MRPL22: variants seen among roughly 807,000 people sequenced by gnomAD.
MRPL22 encodes mitochondrial ribosomal protein L22.
Under a neutral mutation model 32.4 loss-of-function variants are expected in MRPL22, and 27 were observed. The observed-to-expected ratio is 0.83, with a 90% CI of 0.61 to 1.15. MRPL22 has a LOEUF of 1.15. Among genes scored for constraint, MRPL22 ranks in the 50% most tolerant of loss-of-function variants. The pLI, the probability that MRPL22 is intolerant of heterozygous loss-of-function variation, is 0.00. For synonymous variants in MRPL22, 86 were observed against 87.3 expected, an observed-to-expected ratio of 0.99 and a Z score of 0.08; for missense variants, 239 against 260.2, an observed-to-expected ratio of 0.92 and a Z score of 0.56.
At chr5:154,954,831 G>C (rs897578654) in intron 3 of MRPL22, among the ~76,000 whole-genome samples, 6 of 151,986 alleles carry the variant, frequency 3.9e-5, no homozygotes, top group Non-Finnish European at 8.8e-5. Context: ...TCGCTCTGTC[G>C]CCCAGGCTGG....
rs149230625 is a variant in MRPL22, at chr5:154,966,868, C to T, written c.592C>T (p.Arg198Cys). The T allele has an allele frequency of 1.7e-4, 278 of 1,613,526 alleles. No homozygotes were observed. In the African/African-American group the frequency reaches 2.1e-3, roughly 12 times the overall value. Residue 198 changes from arginine (R) to cysteine (C), a missense_variant, in exon 7 of 7, where the codon CGC (arginine) becomes TGC (cysteine). Coordinates refer to ENST00000523037, the MANE Select transcript of MRPL22 (RefSeq NM_014180.4). Reference sequence around the variant, plus strand: ...TGCCAAAGAGTATATTCAGCAGCTTCGCAGCCGGACCATCGTTCACACTCT... The same window carrying T: ...TGCCAAAGAGTATATTCAGCAGCTTTGCAGCCGGACCATCGTTCACACTCT... ...AHAKEYIQQL[R>C]SRTIVHTL is the part of the protein sequence containing the mutation.
intron 2 of MRPL22, among the ~76,000 whole-genome samples, chr5:154,949,462 A>G (rs1284460457): frequency 6.6e-6 from 1 of 152,236 alleles, no homozygotes; most frequent in African/African-American, 2.4e-5. Flanking sequence ...AAGCAGAGAA[A>G]GATGGATTGG....
chr5:154,941,149 C>G lies in MRPL22; in HGVS notation c.28+11C>G. 1.2e-6 allele frequency: 2 copies of G among 1,614,108 alleles called. No individual in the cohort carries two copies. The highest frequency in any genetic ancestry group is 1.7e-6 in the Non-Finnish European group (2 of 1,180,036). On this transcript the variant is annotated intron_variant, in intron 1 of 6. Transcript: ENST00000523037. ...TACTGGGACAGTTGGGTAAGGATTT[C>G]TTAGTGGTTAAGCGACAGAAGGGAG...
chr5:154,966,385 T>C (rs1764766783), intron 6 of MRPL22, among the ~76,000 whole-genome samples: 1 of 152,254 alleles, frequency 6.6e-6, no homozygotes, highest in African/African-American at 2.4e-5. Context: ...TCTGATTTAT[T>C]CACAGCACTT....
chr5:154,958,197 G>A (rs1321896115), intron 5 of MRPL22, among the ~76,000 whole-genome samples: 1 of 152,066 alleles, frequency 6.6e-6, no homozygotes. Flanking sequence ...GGGATTACAG[G>A]CGTGAGCCAC....
intron 2 of MRPL22, 56 bp from the exon 3 acceptor site, chr5:154,950,765 T>G (rs762635423): frequency 1.8e-6 from 2 of 1,119,360 alleles, no homozygotes; most frequent in Non-Finnish European, 2.7e-6. Context: ...ATATGTAAAC[T>G]CTACAGAAAG....
chr5:154,964,550 A>G (rs1034900969), intron 6 of MRPL22, among the ~76,000 whole-genome samples: 3 of 152,288 alleles, frequency 2.0e-5, no homozygotes, highest in African/African-American at 7.2e-5. Flanking sequence ...TATTCCCATT[A>G]CGGTGTATTA....
At chr5:154,962,380 G>T (rs1008199839) in intron 6 of MRPL22, among the ~76,000 whole-genome samples, 1 of 152,094 alleles carries the variant, frequency 6.6e-6, no homozygotes. Context: ...ATAAACTATT[G>T]ATTCTTAACC....
chr5:154,957,922 T>C (rs549683405), intron 5 of MRPL22, among the ~76,000 whole-genome samples: 1 of 146,228 alleles, frequency 6.8e-6, no homozygotes, highest in African/African-American at 2.5e-5. Context: ...TTCTTTTTTT[T>C]TTTTTTTTTT....
intron 3 of MRPL22, among the ~76,000 whole-genome samples, chr5:154,951,732 T>C (rs577119060): frequency 6.6e-6 from 1 of 152,138 alleles, no homozygotes; most frequent in South Asian, 2.1e-4. Flanking sequence ...AGATGGGGTT[T>C]CACCATGTTG....
intron 5 of MRPL22, 52 bp downstream of exon 5, chr5:154,957,264 C>T (rs1764642872): frequency 1.4e-6 from 2 of 1,448,108 alleles, no homozygotes; most frequent in South Asian, 2.3e-5. Context: ...GGGAATGCAG[C>T]TGTCTTGCAA....
At chr5:154,964,175 T>G (rs1236277800) in intron 6 of MRPL22, among the ~76,000 whole-genome samples, 1 of 152,232 alleles carries the variant, frequency 6.6e-6, no homozygotes, top group African/African-American at 2.4e-5. Context: ...TTTGAAATTG[T>G]GCTCTGTGGG....
At position 154,968,891 on chromosome 5, in the gene MRPL22, C is replaced by G. The variant is rs1017407910; in HGVS notation, c.*1994C>G. ...CCTTCATTTGGAACTGCTTCCAGTA[C>G]GTTACAAAAAGTAATAATAGCTAAC... On this transcript the variant is annotated 3_prime_UTR_variant, in exon 7 of 7. Transcript: ENST00000523037. 1.3e-5 allele frequency: 2 copies of G among 152,178 alleles called. No homozygotes were observed. Among genetic ancestry groups the G allele is most frequent in the South Asian group, 4.1e-4 (2 of 4,834 alleles). 9.4% of individuals were successfully genotyped at this position (152,178 alleles called of 1,614,324 possible).
chr5:154,960,068 T>C lies in MRPL22; in HGVS notation c.409+19T>C, dbSNP rs1455477527. On this transcript the variant is annotated intron_variant, in intron 6 of 6. Transcript: ENST00000523037. The stretch of plus-strand genomic sequence containing the variant: ...TATATAGGTAAGATTTTTAATATTC[T>C]TAGCATTAGAAAATGTCTTCAGTAG... The C allele has an allele frequency of 6.5e-7, 1 of 1,545,820 alleles. No individual in the cohort carries two copies. The highest frequency in any genetic ancestry group is 2.2e-5 in the East Asian group (1 of 44,460).
At position 154,941,247 on chromosome 5, in the gene MRPL22, G is replaced by A. The variant is rs1303570656; in HGVS notation, c.59G>A (p.Arg20Gln). 1 of 1,613,336 alleles carries A rather than the reference G, an allele frequency of 6.2e-7. No homozygotes were observed. Among genetic ancestry groups the A allele is most frequent in the East Asian group, 2.2e-5 (1 of 44,886 alleles). ...TTATGGATACATAACCTGAGGAGCC[G>A]GGGGAAGCTGGCCTTGGGGTGAGTC... ...GALWIHNLRSRGKLALGVLPQ... is the reference protein window; with the variant it reads ...GALWIHNLRSQGKLALGVLPQ... The change falls in exon 2 of 7, where the codon CGG becomes CAG. Residue 20 changes from arginine to glutamine, a missense_variant. By Grantham distance (43) the Arg-to-Gln change is conservative (BLOSUM62 1). Transcript: ENST00000523037.
At chr5:154,942,225 C>T (rs1312595555) in intron 2 of MRPL22, among the ~76,000 whole-genome samples, 1 of 152,138 alleles carries the variant, frequency 6.6e-6, no homozygotes, top group African/African-American at 2.4e-5. Context: ...GGATTACAGG[C>T]ACATGCCATC....
Position 154,941,266 on chromosome 5 carries a change from G to C in MRPL22, c.77+1G>C, listed in dbSNP as rs1764410986. 1 of 1,612,866 alleles carries C rather than the reference G, an allele frequency of 6.2e-7. No individual in the cohort carries two copies. The highest frequency in any genetic ancestry group is 2.2e-5 in the East Asian group (1 of 44,894). ...GGAGCCGGGGGAAGCTGGCCTTGGG[G>C]TGAGTCTCTCGCTTCGGAGTTTCGG... On this transcript the variant is annotated splice_donor_variant, in intron 2 of 6. Coordinates refer to ENST00000523037, the MANE Select transcript of MRPL22 (RefSeq NM_014180.4). LOFTEE classifies it high-confidence loss of function.
rs376737339 is a variant in MRPL22 at position 154,956,080 on chromosome 5, T to G, written c.196-291T>G. 9.5e-5 allele frequency: 27 copies of G among 284,980 alleles called. No homozygotes were observed. In the South Asian group the frequency reaches 1.5e-3, roughly 15 times the overall value. 17.7% of individuals were successfully genotyped at this position (284,980 alleles called of 1,614,324 possible). Reference sequence around the variant, plus strand: ...TAAATGTTTTAAAGATACTTTCATTTAAATCTTTTAGGATTTCTTTGGATA... The same window carrying G: ...TAAATGTTTTAAAGATACTTTCATTGAAATCTTTTAGGATTTCTTTGGATA... On this transcript the variant is annotated intron_variant, in intron 3 of 6. Coordinates refer to ENST00000523037, the MANE Select transcript of MRPL22 (RefSeq NM_014180.4).
chr5:154,942,208 A>G (rs348751), intron 2 of MRPL22, among the ~76,000 whole-genome samples: 25,540 of 152,204 alleles, frequency 0.17, 2,861 homozygotes, highest in African/African-American at 0.32. Flanking sequence ...AGCCTCCTGA[A>G]GTACTGGGAT....
Sources: gnomAD v4.1 joint callset for allele counts (sites outside exome capture counted in the v4.1 genomes callset) on GRCh38, gnomAD v4.1.1 for gene constraint, MANE v1.5 for transcripts, NCBI Gene and HGNC (gene_info 2026-07-23, HGNC 2026-07-21) for gene names.